The following COL28A1 variants were observed in gnomAD, a reference collection of about 807,000 sequenced individuals.
The protein encoded by COL28A1 is collagen type XXVIII alpha 1 chain, also known as collagen alpha-1(XXVIII) chain.
In COL28A1, 161 loss-of-function variants were observed where a neutral mutation model predicts 150.2. The observed-to-expected ratio is 1.07, with a 90% CI of 0.94 to 1.22. The LOEUF (loss-of-function observed/expected upper bound fraction) is 1.22, where lower values mean the gene tolerates loss of function less well. Among genes scored for constraint, COL28A1 ranks in the 50% most tolerant of loss-of-function variants. COL28A1 has a pLI of 0.00. For missense variants in COL28A1, 1,617 were observed against 1,388.3 expected (o/e 1.16, Z -2.62); for synonymous variants, 552 against 469.7 (o/e 1.18, Z -2.26).
intron 11 of COL28A1, among the ~76,000 whole-genome samples, chr7:7,500,006 G>C (rs1780433904): frequency 6.6e-6 from 1 of 152,288 alleles, no homozygotes; most frequent in South Asian, 2.1e-4. Context: ...TTAGAAGAAA[G>C]TAGAAGTAAC....
At chr7:7,525,578 G>A (rs1781980877) in intron 3 of COL28A1, among the ~76,000 whole-genome samples, 1 of 152,200 alleles carries the variant, frequency 6.6e-6, no homozygotes, top group Non-Finnish European at 1.5e-5. Flanking sequence ...TGGAATATTT[G>A]TTGCAAGATA....
rs183020429 is a variant in COL28A1, at chr7:7,434,025, G to A, written c.1861-1325C>T. Among the ~76,000 whole-genome samples the A allele has an allele frequency of 2.8e-3, 433 of 152,230 alleles. 1 individual carries two copies. The highest frequency in any genetic ancestry group is 9.8e-3 in the African/African-American group (409 of 41,540). On this transcript the variant is annotated intron_variant, in intron 23 of 34. Transcript: ENST00000399429. The stretch of plus-strand genomic sequence containing the variant: ...TATTCTCAACTATACTCCAATAAAT[G>A]AATAATTGACTGGGAACAGGGGAAA...
At chr7:7,470,659 C>T (rs1164248713) in intron 15 of COL28A1, among the ~76,000 whole-genome samples, 1 of 59,542 alleles carries the variant, frequency 1.7e-5, no homozygotes, top group Non-Finnish European at 2.8e-5. Context: ...GACACATGCA[C>T]ACGTATGTTT....
At chr7:7,504,332 A>C (rs1038727050) in intron 11 of COL28A1, among the ~76,000 whole-genome samples, 1 of 151,642 alleles carries the variant, frequency 6.6e-6, no homozygotes, top group African/African-American at 2.4e-5. Flanking sequence ...GCCCATCTCT[A>C]CAAAAAAAAA....
At chr7:7,435,751 T>C (rs750426651) in intron 23 of COL28A1, among the ~76,000 whole-genome samples, 4 of 152,204 alleles carry the variant, frequency 2.6e-5, no homozygotes, top group Non-Finnish European at 5.9e-5. Context: ...TGGGAGAATA[T>C]AAGCAAGTTT....
intron 1 of COL28A1, 143 bp downstream of exon 1, chr7:7,535,607 T>C (rs1782598709): frequency 6.6e-6 from 1 of 152,180 alleles, no homozygotes. Context: ...TTCTAATAAT[T>C]GATTTGAAGT....
chr7:7,426,289 T>C (rs544892516), intron 25 of COL28A1, among the ~76,000 whole-genome samples: 2 of 152,248 alleles, frequency 1.3e-5, no homozygotes, highest in Non-Finnish European at 2.9e-5. Context: ...AAAATTAAGA[T>C]ATAACTACTC....
rs192129236 is a variant in COL28A1 at position 7,432,248 on chromosome 7, C to G, written c.1998+225G>C. On this transcript the variant is annotated intron_variant, in intron 25 of 34. Transcript: ENST00000399429. ...ATCTTGGTATAAGAAGAGGAAGCAG[C>G]AAAGGAATGCGAGTTGCTATCAGAG... 7.2e-5 allele frequency among the ~76,000 whole-genome samples: 11 copies of G among 152,162 alleles called. No homozygotes were observed. The East Asian group carries it at 1.9e-3, about 27-fold the overall frequency.
chr7:7,529,396 C>G (rs1782216623), intron 3 of COL28A1, among the ~76,000 whole-genome samples: 1 of 151,938 alleles, frequency 6.6e-6, no homozygotes, highest in Admixed American at 6.6e-5. Flanking sequence ...CACTTTGGAT[C>G]CTGTAAGTGT....
intron 25 of COL28A1, among the ~76,000 whole-genome samples, chr7:7,429,150 T>C (rs1179221009): frequency 6.6e-6 from 1 of 152,176 alleles, no homozygotes; most frequent in Non-Finnish European, 1.5e-5. Flanking sequence ...AGGCCACAAT[T>C]TTAAGGCGAC....
chr7:7,539,584 T>C (rs1321804329), upstream of COL28A1, among the ~76,000 whole-genome samples: 2 of 152,046 alleles, frequency 1.3e-5, no homozygotes, highest in African/African-American at 2.4e-5. Context: ...GTCTTATTTG[T>C]CAACAAAGGG....
the COL28A1 span, among the ~76,000 whole-genome samples, chr7:7,541,035 C>A: frequency 0.021 from 3,144 of 152,048 alleles, 113 homozygotes; most frequent in African/African-American, 0.072. Context: ...TAAGAATATC[C>A]AAAAAAAGTT....
rs776482532 is a variant in COL28A1 at position 7,443,645 on chromosome 7, C to T, written c.1590G>A (p.Ala530=). The change falls in exon 20 of 35, where the codon GCG becomes GCA. Residue 530 remains alanine (A), a synonymous_variant. Coordinates refer to ENST00000399429, the MANE Select transcript of COL28A1 (RefSeq NM_001037763.3). ...EDGAAGKKGE[A]GLPGARGPEG... is the part of the protein sequence containing the mutation. ...CTGGGCCTCTTGCTCCCGGAAGCCC[C>T]GCTTCTCCCTAGAGAAAATGACACT... 1.4e-5 allele frequency: 22 copies of T among 1,613,890 alleles called. No homozygotes were observed. Among genetic ancestry groups the T allele is most frequent in the East Asian group, 2.2e-5 (1 of 44,888 alleles).
chr7:7,513,044 G>A (rs1313417700), intron 8 of COL28A1, among the ~76,000 whole-genome samples: 3 of 152,232 alleles, frequency 2.0e-5, no homozygotes, highest in Non-Finnish European at 2.9e-5. Context: ...ATATGCTGGC[G>A]GAAGCTTTAT....
chr7:7,511,199 T>C, intron 8 of COL28A1, 64 bp from the exon 9 acceptor site: 7 of 1,313,938 alleles, frequency 5.3e-6, no homozygotes, highest in African/African-American at 2.9e-5. Flanking sequence ...TAAGAATGTT[T>C]GTTTGTTTGT....
intron 2 of COL28A1, among the ~76,000 whole-genome samples, 191 bp downstream of exon 2, chr7:7,532,561 G>C (rs750646594): frequency 4.6e-4 from 70 of 151,912 alleles, no homozygotes; most frequent in Non-Finnish European, 7.6e-4. Context: ...AAGTGCACAA[G>C]TGCTCTTATT....
chr7:7,529,714 G>C (rs558342588), intron 3 of COL28A1, among the ~76,000 whole-genome samples: 1 of 152,280 alleles, frequency 6.6e-6, no homozygotes, highest in East Asian at 1.9e-4. Context: ...TCTATGGTCA[G>C]CTCTTATCCA....
chr7:7,421,463 ATG>A (rs1015349921), intron 25 of COL28A1, among the ~76,000 whole-genome samples: 6 of 152,210 alleles, frequency 3.9e-5, no homozygotes, highest in African/African-American at 1.4e-4. Context: ...TGTGTAAAAT[ATG>A]CCTGAATAAA....
At chr7:7,532,489 A>G (rs1403415835) in intron 2 of COL28A1, among the ~76,000 whole-genome samples, 3 of 152,022 alleles carry the variant, frequency 2.0e-5, no homozygotes, top group South Asian at 4.2e-4. Context: ...AATCTACACT[A>G]TGAGTGGCAA....
Sources: allele counts gnomAD v4.1 joint callset (sites outside exome capture counted in the v4.1 genomes callset), GRCh38; gene constraint gnomAD v4.1.1; transcripts MANE v1.5; gene names NCBI Gene and HGNC (gene_info 2026-07-23, HGNC 2026-07-21).